Variants in CDH23 observed in about 807,000 individuals in gnomAD.
CDH23 encodes the protein cadherin-23.
CDH23 carries 189 observed loss-of-function variants against 317.1 expected under a neutral mutation model. That is an observed-to-expected ratio of 0.60 (90% confidence interval 0.53 to 0.67). CDH23 has a LOEUF of 0.67. CDH23 is among the 30% of genes least tolerant of loss of function. The pLI is 0.00. For missense variants in CDH23, 4,401 were observed against 4,592.4 expected (o/e 0.96, Z 1.20); for synonymous variants, 1,839 against 1,876.8 (o/e 0.98, Z 0.52).
chr10:71,508,192 G>A (rs2132189704), intron 3 of CDH23: 1 of 152,324 alleles, frequency 6.6e-6, no homozygotes, highest in East Asian at 1.9e-4. Flanking sequence ...CCACATGAAT[G>A]GACCTTGTGT....
At chr10:71,680,810 C>CTTTTTTTTTTTTTTTTTTT (rs562449159) in intron 17 of CDH23, among the ~76,000 whole-genome samples, 2 of 100,558 alleles carry the variant, frequency 2.0e-5, no homozygotes, top group Non-Finnish European at 3.7e-5. Flanking sequence ...CTCTGTCTTT[C>CTTTTTTTTTTTTTTTTTTT]TTTTTTTTTT....
At chr10:71,716,608 G>A in intron 28 of CDH23, 1 of 383,080 alleles carries the variant, frequency 2.6e-6, no homozygotes. Flanking sequence ...AGACAAGAGG[G>A]CGGTGGCCTG....
At chr10:71,557,073 C>A (rs1019679878) in intron 6 of CDH23, among the ~76,000 whole-genome samples, 4 of 152,208 alleles carry the variant, frequency 2.6e-5, no homozygotes, top group African/African-American at 4.8e-5. Flanking sequence ...CATAAACACC[C>A]TTCTCTTAAC....
chr10:71,729,194 G>A (rs1564761808), intron 30 of CDH23, among the ~76,000 whole-genome samples: 1 of 152,198 alleles, frequency 6.6e-6, no homozygotes, highest in Non-Finnish European at 1.5e-5. Context: ...CATTCATAAA[G>A]AGAACTTAGT....
At chr10:71,542,721 G>C (rs1434506246) in intron 6 of CDH23, among the ~76,000 whole-genome samples, 2 of 152,242 alleles carry the variant, frequency 1.3e-5, no homozygotes, top group East Asian at 3.8e-4. Context: ...CCACAGCCTG[G>C]TGCCCTGAGG....
intron 1 of CDH23, among the ~76,000 whole-genome samples, chr10:71,429,310 T>G (rs770657967): frequency 2.0e-5 from 3 of 152,176 alleles, no homozygotes; most frequent in Non-Finnish European, 4.4e-5. Flanking sequence ...CTCATTCTTC[T>G]GGGGCCAGGG....
At chr10:71,716,033 C>A (rs1866208806) in intron 28 of CDH23, 2 of 1,503,176 alleles carry the variant, frequency 1.3e-6, no homozygotes, top group Non-Finnish European at 1.8e-6. Context: ...ATGGCGGAAG[C>A]TGTGCAGGGA....
chr10:71,734,804 C>G, intron 34 of CDH23, 146 bp downstream of exon 34: 4 of 512,784 alleles, frequency 7.8e-6, no homozygotes, highest in Non-Finnish European at 1.5e-5. Context: ...AGTGCCTCCA[C>G]TCTCACACCT....
chr10:71,697,331 C>T (rs1865429072), intron 22 of CDH23, among the ~76,000 whole-genome samples: 1 of 152,206 alleles, frequency 6.6e-6, no homozygotes, highest in African/African-American at 2.4e-5. Context: ...TCAGGGAATG[C>T]CTACTGCATG....
At chr10:71,523,603 T>C (rs896315111) in intron 6 of CDH23, among the ~76,000 whole-genome samples, 1 of 151,776 alleles carries the variant, frequency 6.6e-6, no homozygotes, top group Admixed American at 6.6e-5. Context: ...CGGGGGGAAA[T>C]AAATAAATAA....
intron 34 of CDH23, 91 bp downstream of exon 34, chr10:71,734,749 C>T (rs1179588936): frequency 1.2e-6 from 1 of 829,066 alleles, no homozygotes; most frequent in Non-Finnish European, 1.9e-6. Context: ...TCCCACCTCT[C>T]CCAGAGAGAA....
At chr10:71,779,150 T>C in intron 40 of CDH23, 117 bp from the exon 41 acceptor site, 1 of 934,124 alleles carries the variant, frequency 1.1e-6, no homozygotes. Context: ...TCCCATATGA[T>C]TCCTGCATGG....
chr10:71,767,781 G>A (rs554266019), intron 38 of CDH23, among the ~76,000 whole-genome samples: 1 of 152,222 alleles, frequency 6.6e-6, no homozygotes, highest in Non-Finnish European at 1.5e-5. Flanking sequence ...ACCTGCCCCC[G>A]CAGGAAGTGT....
rs1213846974 is a variant in CDH23 at position 71,812,638 on chromosome 10, G to A, written c.9510+29G>A. The A allele has an allele frequency of 2.5e-6, 4 of 1,613,748 alleles. No individual in the cohort carries two copies. In the South Asian group the frequency reaches 3.3e-5, roughly 13 times the overall value. On this transcript the variant is annotated intron_variant, in intron 67 of 69. Transcript: ENST00000224721. ...AGCCAGAGGCGGTCAGGCATCACAA[G>A]GGGCAGGGGTGGAGGGGCTGGGTCT...
intron 30 of CDH23, among the ~76,000 whole-genome samples, chr10:71,726,565 GA>G (rs1668786334): frequency 6.6e-6 from 1 of 152,234 alleles, no homozygotes. Flanking sequence ...CTGCCCTGTG[GA>G]AATGGCTGAG....
At chr10:71,695,261 G>A (rs1292909131) in intron 21 of CDH23, among the ~76,000 whole-genome samples, 157 bp from the exon 22 acceptor site, 1 of 152,228 alleles carries the variant, frequency 6.6e-6, no homozygotes, top group African/African-American at 2.4e-5. Flanking sequence ...TCCTGCCCTC[G>A]AAAGCCCAGG....
chr10:71,661,081 G>A (rs1665622), intron 14 of CDH23, among the ~76,000 whole-genome samples: 56,812 of 152,042 alleles, frequency 0.37, 11,285 homozygotes, highest in South Asian at 0.56. Flanking sequence ...GGGGCATAAC[G>A]GAGGCACGAA....
chr10:71,787,607 T>A (rs1447972274), intron 44 of CDH23, among the ~76,000 whole-genome samples: 1 of 152,232 alleles, frequency 6.6e-6, no homozygotes, highest in African/African-American at 2.4e-5. Context: ...TTACACATTA[T>A]TTAGCTCCCA....
intron 6 of CDH23, among the ~76,000 whole-genome samples, chr10:71,544,390 G>A (rs1175563806): frequency 6.6e-6 from 1 of 152,200 alleles, no homozygotes; most frequent in Non-Finnish European, 1.5e-5. Context: ...AGCAGAAGGG[G>A]TTCCAATCAC....
Sources: allele counts gnomAD v4.1 joint callset (sites outside exome capture counted in the v4.1 genomes callset), GRCh38; gene constraint gnomAD v4.1.1; transcripts MANE v1.5; gene names NCBI Gene and HGNC (gene_info 2026-07-23, HGNC 2026-07-21).